Variants in CSMD1 observed in about 807,000 individuals in gnomAD.
The protein encoded by CSMD1 is CUB and sushi domain-containing protein 1.
In CSMD1, 213 loss-of-function variants were observed where a neutral mutation model predicts 417.5. The ratio of observed to expected loss-of-function variants is 0.51; its 90% confidence interval spans 0.46 to 0.57. The LOEUF is 0.57. Ranked by LOEUF, CSMD1 falls within the 20% of genes least tolerant of loss-of-function variation. The pLI is 0.00. For missense variants in CSMD1, 6,923 were observed against 4,529.7 expected (o/e 1.53, Z -15.17); for synonymous variants, 2,862 against 1,736.8 (o/e 1.65, Z -16.11).
intron 3 of CSMD1, among the ~76,000 whole-genome samples, chr8:4,380,204 A>T (rs1803012865): frequency 6.6e-6 from 1 of 152,192 alleles, no homozygotes; most frequent in Non-Finnish European, 1.5e-5. Flanking sequence ...ACTTCTTTCC[A>T]GACTACAGTA....
At chr8:4,959,787 A>T (rs1379766642) in intron 1 of CSMD1, among the ~76,000 whole-genome samples, 1 of 152,140 alleles carries the variant, frequency 6.6e-6, no homozygotes, top group African/African-American at 2.4e-5. Flanking sequence ...ACTGTTGCTT[A>T]TTTCTAGAAT....
rs115706068 is a variant in CSMD1 at position 3,856,144 on chromosome 8, C to T, written c.819-102102G>A. On this transcript the variant is annotated intron_variant, in intron 5 of 69. Transcript: ENST00000635120. ...GGAGACGGGGCTTGGTGGGAGGTGA[C>T]TGGATTGTGGAGGTGGTTTGTAATG... Among the ~76,000 whole-genome samples the T allele has an allele frequency of 2.4e-4, 37 of 152,050 alleles. No individual in the cohort carries two copies. In the East Asian group the frequency reaches 6.8e-3, roughly 28 times the overall value.
At chr8:3,949,809 G>A (rs1045193973) in intron 5 of CSMD1, 1 of 420,200 alleles carries the variant, frequency 2.4e-6, no homozygotes, top group Non-Finnish European at 4.8e-6. Context: ...TGGAAAGCTG[G>A]GGCAATGACC....
intron 2 of CSMD1, among the ~76,000 whole-genome samples, chr8:4,588,746 C>T (rs1396461719): frequency 6.6e-6 from 1 of 150,642 alleles, no homozygotes; most frequent in Non-Finnish European, 1.5e-5. Flanking sequence ...GATTGCACCA[C>T]TGCACTCCAG....
chr8:4,522,569 A>G (rs1030988228), intron 2 of CSMD1, among the ~76,000 whole-genome samples: 2 of 152,210 alleles, frequency 1.3e-5, no homozygotes, highest in African/African-American at 2.4e-5. Context: ...TTCTGTTGCA[A>G]TAATTTTCAA....
chr8:4,981,207 G>C (rs1336105178), intron 1 of CSMD1, among the ~76,000 whole-genome samples: 1 of 152,166 alleles, frequency 6.6e-6, no homozygotes, highest in Admixed American at 6.6e-5. Context: ...CATTCATGAA[G>C]GCAGTACAGT....
At chr8:4,391,403 C>G (rs754772967) in intron 3 of CSMD1, among the ~76,000 whole-genome samples, 23 of 152,094 alleles carry the variant, frequency 1.5e-4, no homozygotes, top group Non-Finnish European at 2.6e-4. Flanking sequence ...ACTTTGAAGA[C>G]TAGGCTTTCA....
At chr8:3,863,436 G>A (rs1172060718) in intron 5 of CSMD1, among the ~76,000 whole-genome samples, 4 of 151,406 alleles carry the variant, frequency 2.6e-5, no homozygotes, top group Admixed American at 6.6e-5. Context: ...ATTCATGTGG[G>A]TAGAATCTTC....
At chr8:4,987,562 C>A (rs560712281) in intron 1 of CSMD1, among the ~76,000 whole-genome samples, 1 of 151,824 alleles carries the variant, frequency 6.6e-6, no homozygotes, top group East Asian at 1.9e-4. Context: ...AAATATATCA[C>A]GCCAAAAAGT....
At chr8:3,636,335 G>A (rs934130355) in intron 7 of CSMD1, among the ~76,000 whole-genome samples, 11 of 152,116 alleles carry the variant, frequency 7.2e-5, no homozygotes, top group Admixed American at 6.5e-4. Flanking sequence ...GCGCCACCAC[G>A]CCTGGCTAAT....
At chr8:3,735,470 C>A (rs1355255753) in intron 6 of CSMD1, among the ~76,000 whole-genome samples, 1 of 152,158 alleles carries the variant, frequency 6.6e-6, no homozygotes, top group African/African-American at 2.4e-5. Flanking sequence ...TTTTAGAAGT[C>A]TCTGTGTCAA....
Position 3,909,735 on chromosome 8 carries a change from G to A in CSMD1, c.818+88168C>T, listed in dbSNP as rs570634318. 3.9e-5 allele frequency among the ~76,000 whole-genome samples: 6 copies of A among 152,228 alleles called. No individual in the cohort carries two copies. The East Asian group carries it at 5.8e-4, about 15-fold the overall frequency. On this transcript the variant is annotated intron_variant, in intron 5 of 69. Transcript: ENST00000635120. ...CTTGTGTAGCAAAGGCAAAAGTTTA[G>A]GGAAGGGGGTCTTGACTCTGGAGCT...
rs182775417 is a variant in CSMD1, at chr8:3,358,052, C to G, written c.3304+1100G>C. ...CAACCCCAAAAATCTGCCCCAAAGG[C>G]AGAATCAAAGAGATTCTGCACCATG... On this transcript the variant is annotated intron_variant, in intron 21 of 69. Coordinates refer to ENST00000635120, the MANE Select transcript of CSMD1 (RefSeq NM_033225.6). 9.5e-4 allele frequency among the ~76,000 whole-genome samples: 144 copies of G among 152,266 alleles called. 1 individual carries two copies. The highest frequency in any genetic ancestry group is 1.6e-3 in the Non-Finnish European group (111 of 68,028).
At position 4,080,528 on chromosome 8, in the gene CSMD1, T is replaced by C. The variant is rs187295448; in HGVS notation, c.416-48429A>G. On this transcript the variant is annotated intron_variant, in intron 3 of 69. Transcript: ENST00000635120. ...CAAAAGAAGATACTGATCAAGACTG[T>C]CTTGTCCAACACATAGGTTTCTCCA... 4.6e-5 allele frequency among the ~76,000 whole-genome samples: 7 copies of C among 152,344 alleles called. No homozygotes were observed. In the East Asian group the frequency reaches 1.2e-3, roughly 25 times the overall value.
intron 3 of CSMD1, among the ~76,000 whole-genome samples, chr8:4,157,228 T>C (rs1796883583): frequency 6.6e-6 from 1 of 152,140 alleles, no homozygotes; most frequent in African/African-American, 2.4e-5. Flanking sequence ...AGAAGGAGTT[T>C]ATAAGAACAC....
At chr8:4,085,597 A>C (rs1324842004) in intron 3 of CSMD1, among the ~76,000 whole-genome samples, 3 of 152,206 alleles carry the variant, frequency 2.0e-5, no homozygotes, top group Non-Finnish European at 2.9e-5. Context: ...CGACGCTTGC[A>C]ACAACTTGTG....
At chr8:3,482,813 A>G (rs1817822705) in intron 11 of CSMD1, among the ~76,000 whole-genome samples, 1 of 152,228 alleles carries the variant, frequency 6.6e-6, no homozygotes. Context: ...ACTAGAAATC[A>G]GTTATTAAAA....
chr8:3,885,555 C>A (rs547165993), intron 5 of CSMD1, among the ~76,000 whole-genome samples: 112 of 152,274 alleles, frequency 7.4e-4, no homozygotes, highest in Non-Finnish European at 1.3e-3. Flanking sequence ...AACTGTTGCT[C>A]CACCTAGTAA....
intron 6 of CSMD1, among the ~76,000 whole-genome samples, chr8:3,718,959 G>T (rs201906967): frequency 6.6e-6 from 1 of 152,178 alleles, no homozygotes; most frequent in Non-Finnish European, 1.5e-5. Flanking sequence ...TAGAAGGAGC[G>T]AGAAGATAAG....
Sources: gnomAD v4.1 joint callset for allele counts (sites outside exome capture counted in the v4.1 genomes callset) on GRCh38, gnomAD v4.1.1 for gene constraint, MANE v1.5 for transcripts, NCBI Gene and HGNC (gene_info 2026-07-23, HGNC 2026-07-21) for gene names.